SOX6: variants seen among roughly 807,000 people sequenced by gnomAD.
SOX6 encodes the protein SRY-box transcription factor 6.
Under a neutral mutation model 97.8 loss-of-function variants are expected in SOX6, and 11 were observed. That is an observed-to-expected ratio of 0.11 (90% CI 0.07 to 0.19). The LOEUF (loss-of-function observed/expected upper bound fraction) is 0.19, where lower values mean the gene tolerates loss of function less well. Among genes scored for constraint, SOX6 ranks in the 10% least tolerant of loss-of-function variants. SOX6 has a pLI of 1.00. For synonymous variants in SOX6, 360 were observed against 371.4 expected (o/e 0.97, Z 0.35); for missense variants, 810 against 1,039.5 (o/e 0.78, Z 3.04).
chr11:16,288,662 G>A (rs972731985), intron 3 of SOX6, among the ~76,000 whole-genome samples: 5 of 151,678 alleles, frequency 3.3e-5, no homozygotes, highest in African/African-American at 9.7e-5. Flanking sequence ...AAGCCTATGA[G>A]GGCTTGTCAA....
chr11:16,696,261 C>T (rs181989912), intron 3 of SOX6, among the ~76,000 whole-genome samples: 4 of 152,152 alleles, frequency 2.6e-5, no homozygotes, highest in African/African-American at 9.7e-5. Flanking sequence ...TCTTAAGTTC[C>T]GGTCTCAGTT....
At chr11:16,238,412 G>A (rs1274921273) in intron 3 of SOX6, among the ~76,000 whole-genome samples, 1 of 152,000 alleles carries the variant, frequency 6.6e-6, no homozygotes, top group Non-Finnish European at 1.5e-5. Flanking sequence ...TTCGGGCCAG[G>A]TAAGTCAAGA....
At chr11:16,729,940 A>G (rs573430217) in intron 2 of SOX6, among the ~76,000 whole-genome samples, 128 of 152,030 alleles carry the variant, frequency 8.4e-4, no homozygotes, top group Non-Finnish European at 1.5e-3. Flanking sequence ...GATAAAACAG[A>G]TCTTAAACCA....
chr11:16,363,468 T>C (rs1432920225), intron 1 of SOX6, among the ~76,000 whole-genome samples: 1 of 152,160 alleles, frequency 6.6e-6, no homozygotes, highest in African/African-American at 2.4e-5. Context: ...AGTCTGAAAC[T>C]TGAAACTCTT....
At chr11:16,267,391 T>A (rs1328039392) in intron 3 of SOX6, among the ~76,000 whole-genome samples, 1 of 151,516 alleles carries the variant, frequency 6.6e-6, no homozygotes, top group Non-Finnish European at 1.5e-5. Flanking sequence ...AAGGCCTGAA[T>A]ACACATTTCT....
chr11:15,974,623 G>A (rs1432482231), intron 15 of SOX6, among the ~76,000 whole-genome samples: 2 of 143,994 alleles, frequency 1.4e-5, no homozygotes, highest in Admixed American at 7.2e-5. Flanking sequence ...TCCCACCTAT[G>A]AGTGAGAATA....
At chr11:16,646,178 C>T (rs1056220165) in intron 3 of SOX6, 5 of 152,150 alleles carry the variant, frequency 3.3e-5, no homozygotes, top group Non-Finnish European at 7.4e-5. Context: ...AGACAAATCA[C>T]ACAAACATAT....
intron 12 of SOX6, among the ~76,000 whole-genome samples, chr11:16,016,887 G>A (rs1590132147): frequency 1.3e-5 from 2 of 152,040 alleles, no homozygotes; most frequent in South Asian, 4.1e-4. Context: ...TATTTTCATA[G>A]GAGGAAAAAC....
intron 10 of SOX6, among the ~76,000 whole-genome samples, chr11:16,051,228 T>C (rs958631004): frequency 6.6e-6 from 1 of 152,182 alleles, no homozygotes; most frequent in Admixed American, 6.5e-5. Flanking sequence ...TTTCATATAC[T>C]AGTTCATTTA....
intron 4 of SOX6, among the ~76,000 whole-genome samples, chr11:16,548,092 G>C (rs1847641640): frequency 6.6e-6 from 1 of 152,086 alleles, no homozygotes; most frequent in African/African-American, 2.4e-5. Context: ...TTCATTAGAA[G>C]ATATGCAAGC....
At chr11:16,109,393 G>A (rs766456985) in intron 7 of SOX6, among the ~76,000 whole-genome samples, 12 of 151,904 alleles carry the variant, frequency 7.9e-5, no homozygotes, top group Non-Finnish European at 1.5e-4. Flanking sequence ...AGAGACAAGG[G>A]CTCACTATGT....
At chr11:15,997,840 C>T (rs1015174640) in intron 13 of SOX6, among the ~76,000 whole-genome samples, 1 of 152,036 alleles carries the variant, frequency 6.6e-6, no homozygotes, top group Non-Finnish European at 1.5e-5. Flanking sequence ...CTTTATATTT[C>T]GGGAGGCTGA....
At chr11:16,074,281 T>C (rs1483436987) in intron 9 of SOX6, among the ~76,000 whole-genome samples, 2 of 151,984 alleles carry the variant, frequency 1.3e-5, no homozygotes, top group African/African-American at 2.4e-5. Context: ...TGATACAAAA[T>C]AGAGAAAACT....
intron 3 of SOX6, among the ~76,000 whole-genome samples, chr11:16,620,628 T>C (rs1848532801): frequency 6.6e-6 from 1 of 152,196 alleles, no homozygotes; most frequent in Non-Finnish European, 1.5e-5. Context: ...AGTAGTTATA[T>C]TTAATATCAA....
chr11:16,191,884 T>C (rs1851642113), intron 4 of SOX6, among the ~76,000 whole-genome samples: 2 of 151,696 alleles, frequency 1.3e-5, no homozygotes, highest in African/African-American at 4.9e-5. Context: ...TTTTTTTTGT[T>C]CCATGGGGTC....
At chr11:16,631,108 G>A (rs1369349484) in intron 3 of SOX6, among the ~76,000 whole-genome samples, 3 of 151,980 alleles carry the variant, frequency 2.0e-5, no homozygotes, top group Non-Finnish European at 4.4e-5. Flanking sequence ...TGATATGTGA[G>A]GTTTGATCCT....
At chr11:16,499,275 A>C (rs944358323) in intron 4 of SOX6, among the ~76,000 whole-genome samples, 3 of 151,788 alleles carry the variant, frequency 2.0e-5, no homozygotes, top group Admixed American at 2.0e-4. Flanking sequence ...ACAAAGACAC[A>C]ACATACCAGA....
chr11:15,981,447 G>A (rs1853652533), intron 15 of SOX6, among the ~76,000 whole-genome samples: 1 of 151,884 alleles, frequency 6.6e-6, no homozygotes, highest in South Asian at 2.1e-4. Flanking sequence ...TATTTATGCT[G>A]GCAAAGCCCC....
intron 13 of SOX6, among the ~76,000 whole-genome samples, chr11:16,000,008 A>G (rs1024591385): frequency 2.0e-5 from 3 of 152,200 alleles, no homozygotes; most frequent in Admixed American, 6.5e-5. Context: ...ATTTTTCACC[A>G]TATTTATCCT....
Sources: allele counts gnomAD v4.1 joint callset (sites outside exome capture counted in the v4.1 genomes callset), GRCh38; gene constraint gnomAD v4.1.1; transcripts MANE v1.5; gene names NCBI Gene and HGNC (gene_info 2026-07-23, HGNC 2026-07-21).